POU6F1: variants seen among roughly 807,000 people sequenced by gnomAD.
The protein encoded by POU6F1 is POU domain, class 6, transcription factor 1.
Under a neutral mutation model 28.9 loss-of-function variants are expected in POU6F1, and 9 were observed. The ratio of observed to expected loss-of-function variants is 0.31; its 90% CI spans 0.19 to 0.54. The LOEUF is 0.54. POU6F1 is among the 20% of genes least tolerant of loss of function. POU6F1 has a pLI of 0.94. For missense variants in POU6F1, 338 were observed against 426.1 expected (o/e 0.79, Z 1.82); for synonymous variants, 173 against 171.1 (o/e 1.01, Z -0.09).
At chr12:51,203,121 TG>T (rs1191284939) in intron 3 of POU6F1, among the ~76,000 whole-genome samples, 4 of 152,130 alleles carry the variant, frequency 2.6e-5, no homozygotes, top group Admixed American at 2.0e-4. Context: ...CACAAACCCC[TG>T]GAAGAAGATG....
intron 8 of POU6F1, among the ~76,000 whole-genome samples, chr12:51,193,811 T>C (rs919425760): frequency 6.6e-6 from 1 of 152,162 alleles, no homozygotes; most frequent in South Asian, 2.1e-4. Flanking sequence ...ACTATAAATA[T>C]ATGAAAGTAT....
chr12:51,196,258 A>C, intron 7 of POU6F1, 85 bp from the exon 8 acceptor site: 1 of 1,159,040 alleles, frequency 8.6e-7, no homozygotes, highest in South Asian at 1.7e-5. Context: ...CACCAGGGGA[A>C]CAGACTAATG....
chr12:51,210,224 CA>C (rs1218355882), intron 1 of POU6F1, among the ~76,000 whole-genome samples: 5 of 152,112 alleles, frequency 3.3e-5, no homozygotes, highest in African/African-American at 1.2e-4. Context: ...ATGAGTTTTT[CA>C]GAGAACTTGG....
chr12:51,193,788 G>A (rs1403270330), intron 8 of POU6F1, among the ~76,000 whole-genome samples: 1 of 152,064 alleles, frequency 6.6e-6, no homozygotes, highest in Non-Finnish European at 1.5e-5. Context: ...TATCCTATTT[G>A]TAATCAGAAG....
At chr12:51,212,506 C>T (rs577025842) in intron 1 of POU6F1, among the ~76,000 whole-genome samples, 15 of 150,248 alleles carry the variant, frequency 1.0e-4, no homozygotes, top group African/African-American at 3.4e-4. Context: ...CCAGGCCGGG[C>T]GTGGTGGTTC....
Position 51,196,156 on chromosome 12 carries a change from T to G in POU6F1, c.993A>C (p.Pro331=), listed in dbSNP as rs761821897. 1 of 1,528,440 alleles carries G rather than the reference T, an allele frequency of 6.5e-7. No homozygotes were observed. 94.7% of individuals were successfully genotyped at this position (1,528,440 alleles called of 1,614,324 possible). ...CCACACTAGCTGAGTTCACTACCCA[T>G]GGAAGGGTTCCAATAACCTGGGAGG... ...NAQGQVIGTL[P]WVVNSASVAA... is the part of the protein sequence containing the mutation. Residue 331 remains proline, a synonymous_variant, in exon 8 of 11, where the codon CCA becomes CCC. Transcript: ENST00000333640.
intron 1 of POU6F1, among the ~76,000 whole-genome samples, chr12:51,211,084 G>A (rs1400552915): frequency 6.6e-6 from 1 of 152,196 alleles, no homozygotes; most frequent in Non-Finnish European, 1.5e-5. Context: ...GCCCTCTTCA[G>A]TTTGCTTTTT....
intron 1 of POU6F1, among the ~76,000 whole-genome samples, chr12:51,216,452 C>G (rs1944289009): frequency 6.6e-6 from 1 of 152,150 alleles, no homozygotes; most frequent in Non-Finnish European, 1.5e-5. Flanking sequence ...TGTCCACCCC[C>G]AGAATAAAAA....
intron 1 of POU6F1, among the ~76,000 whole-genome samples, chr12:51,211,511 A>AG (rs1943986198): frequency 6.6e-6 from 1 of 152,164 alleles, no homozygotes; most frequent in Non-Finnish European, 1.5e-5. Flanking sequence ...GGGAGGCTGA[A>AG]GGGGGAGGAT....
At chr12:51,201,508 T>A (rs1943202419) in intron 3 of POU6F1, among the ~76,000 whole-genome samples, 1 of 148,220 alleles carries the variant, frequency 6.7e-6, no homozygotes, top group Non-Finnish European at 1.5e-5. Context: ...CAAGATGCTA[T>A]CTCTACAGAA....
intron 9 of POU6F1, 114 bp downstream of exon 9, chr12:51,192,216 T>C (rs1942469716): frequency 1.4e-6 from 2 of 1,419,560 alleles, no homozygotes; most frequent in Non-Finnish European, 1.9e-6. Context: ...ATATTGGGCC[T>C]CTGCCCTTCC....
In POU6F1 at chr12:51,211,105, C is replaced by G. The variant is rs115088585; in HGVS notation, c.-47-4222G>C. Among the ~76,000 whole-genome samples, 822 of 152,302 alleles carry G rather than the reference C, an allele frequency of 5.4e-3. 5 individuals are homozygous for G. Among genetic ancestry groups the G allele is most frequent in the African/African-American group, 0.018 (765 of 41,554 alleles). ...TTCAGTTTGCTTTTTGACCATTTCC[C>G]CAATGACTGCATAAATAGCACATCT... On this transcript the variant is annotated intron_variant, in intron 1 of 10. Transcript: ENST00000333640.
At chr12:51,196,307 T>TTTTACTCATGCA in intron 7 of POU6F1, 134 bp from the exon 8 acceptor site, 2 of 717,578 alleles carry the variant, frequency 2.8e-6, no homozygotes, top group Non-Finnish European at 4.4e-6. Flanking sequence ...AGCTTCTGCA[T>TTTTACTCATGCA]GAGTAAAATG....
rs750339632 is a variant in POU6F1, at chr12:51,190,589, G to A, written c.1494C>T (p.Phe498=). The part of the protein sequence containing the change: ...PAYSQSAICR[F]EKLDITPKSA... ...TCTTGGGTGTGATGTCTAGCTTCTC[G>A]AACCTGTGGGCAACCCATACCCAGG... The change falls in exon 11 of 11, where the codon TTC becomes TTT. Residue 498 remains phenylalanine (F), a synonymous_variant. Transcript: ENST00000333640. This position sits in a 1 kb window ranked among gnomAD's most constrained non-coding sequence, Gnocchi z 4.5. 10 of 1,611,996 alleles carry A rather than the reference G, an allele frequency of 6.2e-6. No homozygotes were observed. The highest frequency in any genetic ancestry group is 3.3e-5 in the South Asian group (3 of 91,002).
intron 2 of POU6F1, among the ~76,000 whole-genome samples, chr12:51,206,157 C>A (rs1465715439): frequency 6.7e-6 from 1 of 148,542 alleles, no homozygotes; most frequent in Non-Finnish European, 1.5e-5. Context: ...GGCGCGGTGG[C>A]TCACGCCTGT....
At position 51,192,404 on chromosome 12, in the gene POU6F1, G is replaced by C. The variant is rs745311434; in HGVS notation, c.1247C>G (p.Ala416Gly). The change falls in exon 9 of 11, where the codon GCC (alanine) becomes GGC (glycine). Residue 416 changes from alanine to glycine, a missense_variant. Coordinates refer to ENST00000333640, the MANE Select transcript of POU6F1 (RefSeq NM_001330422.2). ...AGGAGCAGAGGCAGATGGCTTGGCG[G>C]CTGGAGCTGGGCTGGCAATGACCAC... The part of the protein sequence containing the change: ...PAVVIASPAP[A>G]AKPSASAPIP... The C allele has an allele frequency of 1.2e-6, 2 of 1,614,034 alleles. No individual in the cohort carries two copies. The highest frequency in any genetic ancestry group is 8.5e-7 in the Non-Finnish European group (1 of 1,180,034).
At chr12:51,195,476 A>G (rs1238240828) in intron 8 of POU6F1, among the ~76,000 whole-genome samples, 3 of 147,616 alleles carry the variant, frequency 2.0e-5, no homozygotes, top group Admixed American at 1.4e-4. Context: ...CTAAGAAGGC[A>G]TCTTATTCAT....
intron 8 of POU6F1, among the ~76,000 whole-genome samples, chr12:51,193,996 C>T (rs1942631293): frequency 6.6e-6 from 1 of 152,184 alleles, no homozygotes; most frequent in Non-Finnish European, 1.5e-5. Context: ...AACTGCCTCA[C>T]CACAGTCCAG....
In POU6F1 at chr12:51,187,781, A is replaced by G. The variant is rs1260260772; in HGVS notation, c.*2466T>C. Reference sequence around the variant, plus strand: ...TTCATGATTGTTTTCCCATCATGACACAGGACAGATGGTGTTCCCCTGCAC... The same window carrying G: ...TTCATGATTGTTTTCCCATCATGACGCAGGACAGATGGTGTTCCCCTGCAC... On this transcript the variant is annotated 3_prime_UTR_variant, in exon 11 of 11. Coordinates refer to ENST00000333640, the MANE Select transcript of POU6F1 (RefSeq NM_001330422.2). 2 of 152,336 alleles carry G rather than the reference A, an allele frequency of 1.3e-5. No individual in the cohort carries two copies. Among genetic ancestry groups the G allele is most frequent in the South Asian group, 2.1e-4 (1 of 4,824 alleles). The allele number at this position is 152,336 out of a possible 1,614,324, so 9.4% of individuals were successfully genotyped here.
Sources: gnomAD v4.1 joint callset for allele counts (sites outside exome capture counted in the v4.1 genomes callset) on GRCh38, gnomAD v4.1.1 for gene constraint, Gnocchi (gnomAD v3.1) non-coding constraint, MANE v1.5 for transcripts, NCBI Gene and HGNC (gene_info 2026-07-23, HGNC 2026-07-21) for gene names.